The following ZNF460 variants were observed in gnomAD, a reference collection of about 807,000 sequenced individuals.
ZNF460 encodes zinc finger protein 460.
ZNF460 carries 1 observed loss-of-function variant against 8.4 expected under a neutral mutation model. The ratio of observed to expected loss-of-function variants is 0.12; its 90% confidence interval spans 0.04 to 0.56. ZNF460 has a LOEUF of 0.56. Ranked by LOEUF, ZNF460 falls within the 20% of genes least tolerant of loss-of-function variation. The probability of loss-of-function intolerance (pLI) is 0.91; values close to 1 mark genes in which losing one functional copy is unlikely to be tolerated. For missense variants in ZNF460, 477 were observed against 714.8 expected (o/e 0.67, Z 3.79); for synonymous variants, 262 against 259.9 (o/e 1.01, Z -0.08).
At chr19:57,283,140 T>C (rs1467652220) in intron 1 of ZNF460, among the ~76,000 whole-genome samples, 2 of 118,904 alleles carry the variant, frequency 1.7e-5, no homozygotes, top group Non-Finnish European at 3.4e-5. Flanking sequence ...CCTCAGTGTT[T>C]GTTTGTTTTT....
At chr19:57,287,534 G>A (rs903282638) in intron 2 of ZNF460, among the ~76,000 whole-genome samples, 2 of 151,856 alleles carry the variant, frequency 1.3e-5, no homozygotes, top group African/African-American at 2.4e-5. Context: ...TGTTGCCCAG[G>A]CTCATCTTGA....
intron 2 of ZNF460, among the ~76,000 whole-genome samples, chr19:57,285,341 A>G (rs1385766312): frequency 6.6e-6 from 1 of 152,072 alleles, no homozygotes; most frequent in African/African-American, 2.4e-5. Flanking sequence ...TGCTCCTGTC[A>G]CTGTCTTTTT....
In ZNF460 at chr19:57,291,414, C is replaced by T. The variant is rs80302225; in HGVS notation, c.873C>T (p.Tyr291=). 7.1e-4 allele frequency: 1,143 copies of T among 1,613,968 alleles called. 7 individuals carry two copies. The African/African-American group carries it at 0.013, about 18-fold the overall frequency. ...VCNECGKAFT[Y]RSNFVLHNKS... ...ATGAATGTGGAAAGGCCTTTACCTA[C>T]CGCTCCAATTTTGTCTTGCATAACA... Residue 291 remains tyrosine, a synonymous_variant, in exon 3 of 3, where the codon TAC becomes TAT. Transcript: ENST00000360338. The surrounding 1 kb of genome is among the most constrained non-coding windows in gnomAD (Gnocchi z 8.4).
At position 57,292,344 on chromosome 19, in the gene ZNF460, T is replaced by C; in HGVS notation, c.*114T>C. On this transcript the variant is annotated 3_prime_UTR_variant, in exon 3 of 3. Coordinates refer to ENST00000360338, the MANE Select transcript of ZNF460 (RefSeq NM_006635.4). ...AAATCTGTGGTGAGAGGAAACATCTTACCATCTGGTCATTCATACTGAAGA... is the reference window on the plus strand; with the variant it reads ...AAATCTGTGGTGAGAGGAAACATCTCACCATCTGGTCATTCATACTGAAGA... 2 of 1,092,654 alleles carry C rather than the reference T, an allele frequency of 1.8e-6. No individual in the cohort carries two copies. Among genetic ancestry groups the C allele is most frequent in the Non-Finnish European group, 1.3e-6 (1 of 761,152 alleles). 67.7% of individuals were successfully genotyped at this position (1,092,654 alleles called of 1,614,324 possible).
chr19:57,281,382 G>A (rs921870772), intron 1 of ZNF460, among the ~76,000 whole-genome samples: 1 of 151,990 alleles, frequency 6.6e-6, no homozygotes, highest in African/African-American at 2.4e-5. Flanking sequence ...CCAGAGTCTG[G>A]TATTTTTGTG....
rs747904445 is a variant in ZNF460 at position 57,290,918 on chromosome 19, A to G, written c.377A>G (p.His126Arg). ...CTCCATGGGAAAATGAGCCTTGAAC[A>G]CGAAGGTTTGGCGACAGCTGATGGT... ...EKLHGKMSLE[H>R]EGLATADGIC... Residue 126 changes from histidine (H) to arginine (R), a missense_variant, in exon 3 of 3, where the codon CAC becomes CGC. This residue lies in a region of ZNF460 where 169 missense variants were observed against 178.6 expected (regional missense o/e 0.95). Transcript: ENST00000360338. The G allele has an allele frequency of 1.6e-5, 26 of 1,614,102 alleles. No homozygotes were observed. Among genetic ancestry groups the G allele is most frequent in the Non-Finnish European group, 2.0e-5 (24 of 1,180,052 alleles).
intron 2 of ZNF460, 114 bp downstream of exon 2, chr19:57,284,791 C>G: frequency 1.7e-6 from 2 of 1,197,898 alleles, no homozygotes; most frequent in Non-Finnish European, 2.2e-6. Flanking sequence ...GCCAGCCCTC[C>G]TGTTTCCCAA....
intron 2 of ZNF460, among the ~76,000 whole-genome samples, chr19:57,288,327 G>A (rs1054210317): frequency 3.3e-5 from 5 of 152,064 alleles, no homozygotes; most frequent in African/African-American, 1.2e-4. Flanking sequence ...AGAGTAGCTG[G>A]AACTACAGGC....
intron 1 of ZNF460, among the ~76,000 whole-genome samples, chr19:57,283,120 G>A (rs187031515): frequency 1.3e-5 from 2 of 151,472 alleles, no homozygotes; most frequent in East Asian, 3.9e-4. Context: ...TTCAGATGCT[G>A]TGGCCTTTGC....
intron 2 of ZNF460, among the ~76,000 whole-genome samples, chr19:57,285,762 G>A (rs371233545): frequency 9.2e-5 from 14 of 152,050 alleles, no homozygotes; most frequent in African/African-American, 2.4e-4. Context: ...GAGTCACCAC[G>A]TCTACCCCTC....
chr19:57,288,738 T>G (rs141346657), intron 2 of ZNF460, among the ~76,000 whole-genome samples: 1 of 152,216 alleles, frequency 6.6e-6, no homozygotes, highest in Admixed American at 6.5e-5. Context: ...TTGGGCCGTC[T>G]TAGATTCTCT....
At chr19:57,281,882 A>G (rs1401277354) in intron 1 of ZNF460, 1 of 152,174 alleles carries the variant, frequency 6.6e-6, no homozygotes, top group Admixed American at 6.5e-5. Context: ...GTTTTACACA[A>G]GAGCAATTTG....
At chr19:57,284,528 A>G (rs770564042) in intron 1 of ZNF460, 23 bp from the exon 2 acceptor site, 3 of 1,607,464 alleles carry the variant, frequency 1.9e-6, no homozygotes, top group Admixed American at 1.7e-5. Context: ...AGGAAACATT[A>G]CTGGTTCTTT....
chr19:57,292,275 G>T lies in ZNF460; in HGVS notation c.*45G>T. On this transcript the variant is annotated 3_prime_UTR_variant, in exon 3 of 3. Transcript: ENST00000360338. The stretch of plus-strand genomic sequence containing the variant: ...TACGTACACTTCAGTCAACATCCAA[G>T]AATTCCTATTAGCGAAATAGTTTTT... 6.5e-7 allele frequency: 1 copy of T among 1,539,756 alleles called. No individual in the cohort carries two copies. Among genetic ancestry groups the T allele is most frequent in the South Asian group, 1.2e-5 (1 of 82,430 alleles).
Position 57,291,964 on chromosome 19 carries a change from C to G in ZNF460, c.1423C>G (p.Pro475Ala), listed in dbSNP as rs2087920934. The change falls in exon 3 of 3, where the codon CCC becomes GCC. Residue 475 changes from proline to alanine, a missense_variant. This residue lies in a region of ZNF460 where 193 missense variants were observed against 391.7 expected (regional missense o/e 0.49). Transcript: ENST00000360338. This position sits in a 1 kb window ranked among gnomAD's most constrained non-coding sequence, Gnocchi z 8.4. ...RHFSIHTGEK[P>A]YECVECGKAF... is the part of the protein sequence containing the mutation. ...CTTTAGCATCCACACTGGAGAGAAG[C>G]CCTATGAATGCGTGGAGTGCGGGAA... 1 of 1,613,982 alleles carries G rather than the reference C, an allele frequency of 6.2e-7. No homozygotes were observed.
chr19:57,280,928 CT>C, intron 1 of ZNF460, 92 bp downstream of exon 1: 1 of 1,552,582 alleles, frequency 6.4e-7, no homozygotes, highest in East Asian at 2.3e-5. Context: ...CAGGATTTTT[CT>C]TTGTCGCCAT....
chr19:57,290,930 C>G lies in ZNF460; in HGVS notation c.389C>G (p.Ala130Gly). The change falls in exon 3 of 3, where the codon GCG becomes GGG. Residue 130 changes from alanine (A) to glycine (G), a missense_variant. Coordinates refer to ENST00000360338, the MANE Select transcript of ZNF460 (RefSeq NM_006635.4). The stretch of plus-strand genomic sequence containing the variant: ...ATGAGCCTTGAACACGAAGGTTTGG[C>G]GACAGCTGATGGTATTTGTTCAATG... ...GKMSLEHEGL[A>G]TADGICSMMI... 6.2e-7 allele frequency: 1 copy of G among 1,614,136 alleles called. No individual in the cohort carries two copies. Among genetic ancestry groups the G allele is most frequent in the Non-Finnish European group, 8.5e-7 (1 of 1,180,038 alleles).
intron 1 of ZNF460, among the ~76,000 whole-genome samples, chr19:57,283,084 T>C (rs2087851661): frequency 6.7e-6 from 1 of 150,064 alleles, no homozygotes; most frequent in Non-Finnish European, 1.5e-5. Context: ...GGTCCCTGAG[T>C]GTGACATAGA....
rs1425885734 is a variant in ZNF460, at chr19:57,293,750, A to G, written c.*1520A>G. The G allele has an allele frequency of 6.6e-6, 1 of 152,116 alleles. No individual in the cohort carries two copies. Among genetic ancestry groups the G allele is most frequent in the Admixed American group, 6.6e-5 (1 of 15,208 alleles). 9.4% of individuals were successfully genotyped at this position (152,116 alleles called of 1,614,324 possible). A position where few individuals can be genotyped will look rare whatever the true frequency, so the allele number is the denominator to read the frequency against. ...GGAATCTTACTTGCTGTAATTTTGT[A>G]TTTGTTAACCAATCTCTATCTGCCT... On this transcript the variant is annotated 3_prime_UTR_variant, in exon 3 of 3. Transcript: ENST00000360338.
Sources: gnomAD v4.1 joint callset for allele counts (sites outside exome capture counted in the v4.1 genomes callset) on GRCh38, gnomAD v4.1.1 for gene constraint, gnomAD v4.1.1 regional missense constraint, Gnocchi (gnomAD v3.1) non-coding constraint, MANE v1.5 for transcripts, NCBI Gene and HGNC (gene_info 2026-07-23, HGNC 2026-07-21) for gene names.